Variants in TMEM132B observed in about 807,000 individuals in gnomAD.
TMEM132B encodes transmembrane protein 132B.
TMEM132B carries 18 observed loss-of-function variants against 90.8 expected under a neutral mutation model. That is an observed-to-expected ratio of 0.20 (90% CI 0.14 to 0.29). The LOEUF is 0.29. TMEM132B is among the 10% of genes least tolerant of loss of function. The pLI is 1.00. For missense variants in TMEM132B, 1,096 were observed against 1,326.8 expected (o/e 0.83, Z 2.70); for synonymous variants, 504 against 523.3 (o/e 0.96, Z 0.50).
chr12:125,297,541 A>C (rs1238378448), intron 1 of TMEM132B, among the ~76,000 whole-genome samples: 1 of 152,240 alleles, frequency 6.6e-6, no homozygotes, highest in Non-Finnish European at 1.5e-5. Context: ...ATCAGCATTT[A>C]TTGAGCACCT....
At chr12:125,357,715 C>T (rs1877826049) in intron 2 of TMEM132B, among the ~76,000 whole-genome samples, 1 of 152,176 alleles carries the variant, frequency 6.6e-6, no homozygotes, top group Admixed American at 6.5e-5. Context: ...TGAGTCACCA[C>T]TGGAAGTCAT....
intron 1 of TMEM132B, among the ~76,000 whole-genome samples, chr12:125,262,281 G>C (rs760888548): frequency 4.0e-5 from 6 of 148,354 alleles, no homozygotes; most frequent in Non-Finnish European, 7.4e-5. Flanking sequence ...ACCTTAGCCA[G>C]ACCTGGTGGT....
At chr12:125,328,778 T>C (rs1199308839) in intron 1 of TMEM132B, among the ~76,000 whole-genome samples, 2 of 152,220 alleles carry the variant, frequency 1.3e-5, no homozygotes, top group African/African-American at 2.4e-5. Context: ...CTACAGGTCC[T>C]GTTTTCTCTG....
chr12:125,345,613 C>T (rs1877332544), intron 1 of TMEM132B, among the ~76,000 whole-genome samples: 1 of 152,194 alleles, frequency 6.6e-6, no homozygotes, highest in Admixed American at 6.5e-5. Context: ...GAGCCATCTG[C>T]CATTGGTATT....
At chr12:125,588,501 C>T (rs2345559) in intron 5 of TMEM132B, 108,870 of 151,888 alleles carry the variant, frequency 0.72, 39,430 homozygotes, top group Middle Eastern at 0.84. Context: ...GGCTAATTTT[C>T]GTATTTTTTA....
At chr12:125,478,720 A>G (rs1881958444) in intron 3 of TMEM132B, among the ~76,000 whole-genome samples, 1 of 152,224 alleles carries the variant, frequency 6.6e-6, no homozygotes, top group Non-Finnish European at 1.5e-5. Context: ...TCCCCAACCT[A>G]GCAAGGCAGG....
chr12:125,196,165 A>T (rs1872921075), intron 1 of TMEM132B, among the ~76,000 whole-genome samples: 1 of 152,152 alleles, frequency 6.6e-6, no homozygotes, highest in Non-Finnish European at 1.5e-5. Context: ...TGTGGGGTGT[A>T]TTCTGAAATT....
Position 125,414,848 on chromosome 12 carries a change from C to T in TMEM132B, c.960-683C>T, listed in dbSNP as rs558205005. Among the ~76,000 whole-genome samples the T allele has an allele frequency of 6.6e-4, 101 of 152,232 alleles. 1 individual carries two copies. The highest frequency in any genetic ancestry group is 2.3e-3 in the African/African-American group (95 of 41,522). On this transcript the variant is annotated intron_variant, in intron 2 of 8. Coordinates refer to ENST00000682704, the MANE Select transcript of TMEM132B (RefSeq NM_001366854.1). ...GGAGATGTTTTCTGGTTAGTAGCAA[C>T]GTGAGGATCATTTCAGGAGCAGTGT... is the stretch of plus-strand genomic sequence containing the variant.
chr12:125,539,258 A>G (rs887980146), intron 4 of TMEM132B, among the ~76,000 whole-genome samples: 2 of 151,536 alleles, frequency 1.3e-5, no homozygotes, highest in African/African-American at 4.9e-5. Context: ...TCCCTTTCCT[A>G]TACTTTCTGG....
At position 125,341,099 on chromosome 12, in the gene TMEM132B, G is replaced by A. The variant is rs139100105; in HGVS notation, c.68-8353G>A. Among the ~76,000 whole-genome samples the A allele has an allele frequency of 2.6e-5, 4 of 152,166 alleles. No homozygotes were observed. The East Asian group carries it at 5.8e-4, about 22-fold the overall frequency. On this transcript the variant is annotated intron_variant, in intron 1 of 8. Transcript: ENST00000682704. ...GCAGTTCCCTTTAGTCACTGATTAC[G>A]CTCTTACAATGTAGATTTTGCTTGC...
At chr12:125,265,350 A>G (rs988619161) in intron 1 of TMEM132B, among the ~76,000 whole-genome samples, 3 of 152,068 alleles carry the variant, frequency 2.0e-5, no homozygotes, top group Admixed American at 1.3e-4. Context: ...AGCTCAATTT[A>G]TAAATTAGAC....
chr12:125,624,388 A>G (rs1886180210), intron 5 of TMEM132B, among the ~76,000 whole-genome samples: 1 of 152,258 alleles, frequency 6.6e-6, no homozygotes, highest in East Asian at 1.9e-4. Context: ...TTGCATGTCT[A>G]CAATGTTCCA....
At chr12:125,449,425 A>T (rs1380983720) in intron 3 of TMEM132B, among the ~76,000 whole-genome samples, 1 of 152,144 alleles carries the variant, frequency 6.6e-6, no homozygotes, top group Admixed American at 6.5e-5. Flanking sequence ...AGGATCTGTA[A>T]TACTATTTTA....
chr12:125,199,264 G>A (rs949607757), intron 1 of TMEM132B, among the ~76,000 whole-genome samples: 6 of 152,244 alleles, frequency 3.9e-5, no homozygotes, highest in Non-Finnish European at 5.9e-5. Flanking sequence ...ACCTCAATGA[G>A]GGAATGAAGG....
chr12:125,381,379 G>C (rs1301559173), intron 2 of TMEM132B, among the ~76,000 whole-genome samples: 1 of 152,186 alleles, frequency 6.6e-6, no homozygotes. Context: ...CAAGGAGGAA[G>C]ATGAAGGGTC....
Position 125,329,585 on chromosome 12 carries a change from G to A in TMEM132B, c.68-19867G>A, listed in dbSNP as rs1435945060. ...GGATGATAAGGTCTGAGTGGCTTTT[G>A]GCTGGAACGAGATGGGACAATGGGT... On this transcript the variant is annotated intron_variant, in intron 1 of 8. Coordinates refer to ENST00000682704, the MANE Select transcript of TMEM132B (RefSeq NM_001366854.1). Among the ~76,000 whole-genome samples, 14 of 152,272 alleles carry A rather than the reference G, an allele frequency of 9.2e-5. No individual in the cohort carries two copies. The East Asian group carries it at 2.5e-3, about 27-fold the overall frequency.
Position 125,522,956 on chromosome 12 carries a change from A to T in TMEM132B, c.1293+3331A>T, listed in dbSNP as rs549116128. Among the ~76,000 whole-genome samples the T allele has an allele frequency of 3.0e-3, 461 of 152,310 alleles. 1 individual carries two copies. The highest frequency in any genetic ancestry group is 0.01 in the African/African-American group (430 of 41,556). On this transcript the variant is annotated intron_variant, in intron 4 of 8. Coordinates refer to ENST00000682704, the MANE Select transcript of TMEM132B (RefSeq NM_001366854.1). Reference sequence around the variant, plus strand: ...AGCTGAGAGGCCATGAATCGATAACAAGCATACTGCAGGTCTTCCACACTG... The same window carrying T: ...AGCTGAGAGGCCATGAATCGATAACTAGCATACTGCAGGTCTTCCACACTG...
chr12:125,629,262 T>G (rs1455220377), intron 5 of TMEM132B, among the ~76,000 whole-genome samples: 2 of 152,134 alleles, frequency 1.3e-5, no homozygotes, highest in Non-Finnish European at 2.9e-5. Flanking sequence ...TTAACAATAC[T>G]TCCAGCACAT....
intron 1 of TMEM132B, among the ~76,000 whole-genome samples, chr12:125,318,982 C>T (rs1876354367): frequency 6.6e-6 from 1 of 152,202 alleles, no homozygotes; most frequent in Non-Finnish European, 1.5e-5. Context: ...GGTATTGACC[C>T]ACTGGGGTCC....
Sources: allele counts gnomAD v4.1 joint callset (sites outside exome capture counted in the v4.1 genomes callset), GRCh38; gene constraint gnomAD v4.1.1; transcripts MANE v1.5; gene names NCBI Gene and HGNC (gene_info 2026-07-23, HGNC 2026-07-21).